The following CNGA1 variants were observed in gnomAD, a reference collection of about 807,000 sequenced individuals.
The protein encoded by CNGA1 is cyclic nucleotide-gated channel alpha-1.
In CNGA1, 53 loss-of-function variants were observed where a neutral mutation model predicts 69.7. That is an observed-to-expected ratio of 0.76 (90% CI 0.61 to 0.96). CNGA1 has a LOEUF of 0.96. Among genes scored for constraint, CNGA1 ranks in the 40% least tolerant of loss-of-function variants. CNGA1 has a pLI of 0.00. For synonymous variants in CNGA1, 249 were observed against 283.5 expected (o/e 0.88, Z 1.22); for missense variants, 739 against 811.2 (o/e 0.91, Z 1.08).
intron 2 of CNGA1, among the ~76,000 whole-genome samples, chr4:48,009,951 A>T (rs887691820): frequency 3.3e-5 from 5 of 152,350 alleles, no homozygotes; most frequent in African/African-American, 1.2e-4. Context: ...CTCAACACAC[A>T]AATACATAGA....
chr4:47,945,009 A>G (rs1000170004), intron 6 of CNGA1, among the ~76,000 whole-genome samples: 1 of 152,112 alleles, frequency 6.6e-6, no homozygotes, highest in Admixed American at 6.5e-5. Flanking sequence ...TAATGTATAC[A>G]ACCAAAATGA....
intron 3 of CNGA1, among the ~76,000 whole-genome samples, chr4:47,962,140 T>C (rs957825335): frequency 1.3e-5 from 2 of 152,090 alleles, no homozygotes; most frequent in African/African-American, 4.8e-5. Flanking sequence ...GGTCAGGAGA[T>C]TGAGACCATC....
intron 3 of CNGA1, among the ~76,000 whole-genome samples, chr4:47,967,894 C>T (rs1388519751): frequency 1.3e-5 from 2 of 152,090 alleles, no homozygotes; most frequent in Non-Finnish European, 2.9e-5. Flanking sequence ...AGGAAAATCA[C>T]TTGAACCGGG....
intron 9 of CNGA1, 29 bp downstream of exon 9, chr4:47,942,012 C>CAAAAA: frequency 1.1e-5 from 13 of 1,165,234 alleles, no homozygotes; most frequent in South Asian, 2.8e-5. Flanking sequence ...GTGAGATCCA[C>CAAAAA]AAAAAAAAAA....
At chr4:48,006,291 T>C (rs321644) in intron 2 of CNGA1, among the ~76,000 whole-genome samples, 123,975 of 152,030 alleles carry the variant, frequency 0.82, 51,057 homozygotes, top group Non-Finnish European at 0.88. Context: ...AATAATTGTC[T>C]GTGGATGACA....
intron 2 of CNGA1, among the ~76,000 whole-genome samples, chr4:47,992,833 T>C (rs887308117): frequency 2.6e-5 from 4 of 152,238 alleles, no homozygotes; most frequent in African/African-American, 9.6e-5. Flanking sequence ...GGGTTTGTCA[T>C]AGATGGCTTT....
At chr4:47,971,199 C>G (rs1741003546) in intron 3 of CNGA1, 23 of 339,942 alleles carry the variant, frequency 6.8e-5, no homozygotes, top group South Asian at 9.1e-5. Context: ...TGTGTGTGTG[C>G]TGTGCGTAAA....
intron 1 of CNGA1, among the ~76,000 whole-genome samples, chr4:48,015,221 A>C (rs1362169930): frequency 1.3e-5 from 2 of 151,700 alleles, no homozygotes; most frequent in Non-Finnish European, 2.9e-5. Flanking sequence ...AGCAAACAAA[A>C]AGAAGTCTAA....
intron 3 of CNGA1, among the ~76,000 whole-genome samples, chr4:47,958,019 C>T (rs1167715056): frequency 2.0e-5 from 3 of 151,478 alleles, no homozygotes; most frequent in Admixed American, 1.3e-4. Context: ...CTCAACCTCC[C>T]GAGTAGCTGG....
intron 2 of CNGA1, among the ~76,000 whole-genome samples, chr4:48,004,530 T>G (rs1355751930): frequency 6.6e-6 from 1 of 152,224 alleles, no homozygotes; most frequent in Non-Finnish European, 1.5e-5. Context: ...TCTGAGGTTT[T>G]GTCCGATCTC....
chr4:47,964,316 T>G (rs1208143021), intron 3 of CNGA1, among the ~76,000 whole-genome samples: 2 of 152,154 alleles, frequency 1.3e-5, no homozygotes, highest in Admixed American at 6.5e-5. Flanking sequence ...ACAGAAAATA[T>G]AATTCTGATT....
intron 9 of CNGA1, among the ~76,000 whole-genome samples, chr4:47,941,486 T>C (rs1739073172): frequency 6.6e-6 from 1 of 152,230 alleles, no homozygotes; most frequent in Non-Finnish European, 1.5e-5. Context: ...ATTAAATCCT[T>C]GATCTTTTTC....
intron 8 of CNGA1, 98 bp downstream of exon 8, chr4:47,943,083 C>G: frequency 1.2e-6 from 1 of 839,254 alleles, no homozygotes; most frequent in Non-Finnish European, 2.0e-6. Context: ...GGGCTCTTTA[C>G]TATAAAGTTT....
chr4:47,973,968 G>A (rs1051708114), intron 3 of CNGA1, among the ~76,000 whole-genome samples: 13 of 151,782 alleles, frequency 8.6e-5, no homozygotes, highest in African/African-American at 2.7e-4. Flanking sequence ...TGAGGCGGGC[G>A]GATCTTTTGA....
chr4:47,943,920 A>G (rs1739246093), intron 6 of CNGA1, among the ~76,000 whole-genome samples: 1 of 152,196 alleles, frequency 6.6e-6, no homozygotes, highest in South Asian at 2.1e-4. Context: ...AGAATAATTT[A>G]CCAGATTTAA....
At chr4:48,006,544 A>G (rs955766194) in intron 2 of CNGA1, among the ~76,000 whole-genome samples, 3 of 152,216 alleles carry the variant, frequency 2.0e-5, no homozygotes, top group Admixed American at 2.0e-4. Context: ...TAATTTTTAT[A>G]CCAAATAACC....
intron 10 of CNGA1, among the ~76,000 whole-genome samples, chr4:47,939,641 C>G (rs1738943515): frequency 6.6e-6 from 1 of 152,106 alleles, no homozygotes; most frequent in African/African-American, 2.4e-5. Context: ...ACCTGTTGGG[C>G]CTGTTCTAAC....
chr4:47,988,372 G>A (rs549417993), intron 2 of CNGA1, among the ~76,000 whole-genome samples: 9 of 152,174 alleles, frequency 5.9e-5, no homozygotes, highest in Admixed American at 3.9e-4. Context: ...CATTGTACAC[G>A]TCAGTGCCTC....
intron 2 of CNGA1, among the ~76,000 whole-genome samples, chr4:47,988,390 T>G (rs1236706157): frequency 2.0e-5 from 3 of 152,092 alleles, no homozygotes; most frequent in Admixed American, 2.0e-4. Flanking sequence ...CTCAGTAATA[T>G]TCATTGGAAT....
Sources: gnomAD v4.1 joint callset for allele counts (sites outside exome capture counted in the v4.1 genomes callset) on GRCh38, gnomAD v4.1.1 for gene constraint, MANE v1.5 for transcripts, NCBI Gene and HGNC (gene_info 2026-07-23, HGNC 2026-07-21) for gene names.